Variants in STS observed in about 807,000 individuals in gnomAD.
STS encodes steryl-sulfatase.
In STS, 7 loss-of-function variants were observed where a neutral mutation model predicts 26.8. The observed-to-expected ratio is 0.26, with a 90% CI of 0.15 to 0.49. STS has a LOEUF of 0.49. Among genes scored for constraint, STS ranks in the 20% least tolerant of loss-of-function variants. The pLI, the probability that STS is intolerant of heterozygous loss-of-function variation, is 0.98. For synonymous variants in STS, 199 were observed against 189.4 expected (o/e 1.05, Z -0.42); for missense variants, 434 against 465.6 (o/e 0.93, Z 0.63).
At chrX:7,284,939 G>A (rs1925053009) in intron 7 of STS, among the ~76,000 whole-genome samples, 2 of 111,082 alleles carry the variant, frequency 1.8e-5, no homozygotes, top group Admixed American at 9.6e-5. Context: ...TGGTGATGGT[G>A]GTGATGCTGA....
chrX:7,300,045 A>G (rs1925890610), intron 7 of STS, among the ~76,000 whole-genome samples: 1 of 111,781 alleles, frequency 8.9e-6, no homozygotes, highest in Admixed American at 9.6e-5. Flanking sequence ...ATGGAATGAC[A>G]GAACTTTCTA....
intron 1 of STS, among the ~76,000 whole-genome samples, chrX:7,189,814 A>C (rs996871343): frequency 1.2e-4 from 13 of 111,503 alleles, no homozygotes; most frequent in Non-Finnish European, 2.4e-4. Flanking sequence ...AATAATTGCT[A>C]TCTGGGGGAA....
intron 2 of STS, among the ~76,000 whole-genome samples, chrX:7,230,290 C>A (rs1430833491): frequency 1.8e-5 from 2 of 111,635 alleles, no homozygotes; most frequent in African/African-American, 6.5e-5. Context: ...AGAAAACATT[C>A]TGGTAGTTCC....
chrX:7,215,108 C>T lies in STS; in HGVS notation c.-5+24100C>T, dbSNP rs183576609. ...ATACGTATATATGTGTATATATATA[C>T]ACATATATACACACACACACACACA... On this transcript the variant is annotated intron_variant, in intron 2 of 10. Transcript: ENST00000674429. Among the ~76,000 whole-genome samples the T allele has an allele frequency of 3.9e-3, 292 of 74,611 alleles. 1 individual carries two copies. Among genetic ancestry groups the T allele is most frequent in the South Asian group, 6.4e-3 (11 of 1,714 alleles). 64.8% of individuals were successfully genotyped at this position (74,611 alleles called of 115,157 possible). A position where few individuals can be genotyped will look rare whatever the true frequency, so the allele number is the denominator to read the frequency against.
chrX:7,323,794 G>C (rs1429230703), intron 8 of STS, among the ~76,000 whole-genome samples: 11 of 111,529 alleles, frequency 9.9e-5, no homozygotes, highest in African/African-American at 3.6e-4. Flanking sequence ...AAAGCTCTAG[G>C]GGAGAATCTT....
In STS at chrX:7,259,624, C is replaced by G; in HGVS notation, c.658C>G (p.Leu220Val). ...TTTCAGCCTTCTCTTCCTAGCAGCC[C>G]TAATCCTGACCCTTTTCTTGGGCTT... ...VFFSLLFLAA[L>V]ILTLFLGFLH... is the part of the protein sequence containing the mutation. Residue 220 changes from leucine to valine, a missense_variant, in exon 6 of 11, where the codon CTA becomes GTA. By Grantham distance (32) the Leu-to-Val change is conservative. Coordinates refer to ENST00000674429, the MANE Select transcript of STS (RefSeq NM_001320752.2). 8.3e-7 allele frequency: 1 copy of G among 1,211,271 alleles called. No homozygotes were observed. Among genetic ancestry groups the G allele is most frequent in the Non-Finnish European group, 1.1e-6 (1 of 895,368 alleles).
chrX:7,280,995 G>A (rs1331482425), intron 7 of STS, among the ~76,000 whole-genome samples: 1 of 111,764 alleles, frequency 8.9e-6, no homozygotes, highest in Non-Finnish European at 1.9e-5. Flanking sequence ...GCAAAACCGC[G>A]TCTCTAATCA....
chrX:7,217,440 A>G (rs1213119445), intron 2 of STS, among the ~76,000 whole-genome samples: 2 of 111,846 alleles, frequency 1.8e-5, no homozygotes, highest in African/African-American at 6.5e-5. Flanking sequence ...ACAAGGCTTT[A>G]GCTTTTAGAG....
chrX:7,179,425 A>C (rs1933640267), intron 1 of STS, among the ~76,000 whole-genome samples: 1 of 110,742 alleles, frequency 9.0e-6, no homozygotes, highest in South Asian at 3.9e-4. Context: ...GGCTTTCTCT[A>C]GTCCTCATAA....
intron 2 of STS, among the ~76,000 whole-genome samples, chrX:7,216,010 G>C (rs1409280574): frequency 8.9e-6 from 1 of 112,051 alleles, no homozygotes; most frequent in East Asian, 2.8e-4. Context: ...CCACAGGGCT[G>C]TCCACAGCAG....
intron 10 of STS, among the ~76,000 whole-genome samples, chrX:7,339,004 T>G: frequency 8.9e-6 from 1 of 112,378 alleles, no homozygotes; most frequent in East Asian, 2.8e-4. Flanking sequence ...AGTAAATGGT[T>G]TAAAATCAAA....
At chrX:7,230,809 G>T (rs1204422165) in intron 2 of STS, among the ~76,000 whole-genome samples, 2 of 111,728 alleles carry the variant, frequency 1.8e-5, no homozygotes, top group African/African-American at 6.5e-5. Flanking sequence ...AACACCTGGG[G>T]ATTATAATTC....
intron 7 of STS, among the ~76,000 whole-genome samples, chrX:7,278,823 T>C (rs1430504039): frequency 8.9e-6 from 1 of 111,831 alleles, no homozygotes; most frequent in African/African-American, 3.3e-5. Flanking sequence ...AGCACATGTA[T>C]TTGTGGGAGC....
intron 2 of STS, among the ~76,000 whole-genome samples, chrX:7,225,317 C>T (rs1314735824): frequency 1.8e-5 from 2 of 111,660 alleles, no homozygotes; most frequent in Non-Finnish European, 3.8e-5. Flanking sequence ...GAAGGACTAA[C>T]AGGCTCAGTG....
At chrX:7,205,301 T>C (rs1299637397) in intron 2 of STS, among the ~76,000 whole-genome samples, 1 of 112,131 alleles carries the variant, frequency 8.9e-6, no homozygotes, top group Non-Finnish European at 1.9e-5. Flanking sequence ...TTGCAATTAT[T>C]ATTCATCACG....
At chrX:7,339,787 T>C (rs1197176246) in intron 10 of STS, among the ~76,000 whole-genome samples, 1 of 111,803 alleles carries the variant, frequency 8.9e-6, no homozygotes, top group African/African-American at 3.2e-5. Context: ...TGGAAAAAAA[T>C]CACCACATAA....
chrX:7,171,472 G>A (rs1457293249), intron 1 of STS, among the ~76,000 whole-genome samples: 1 of 111,551 alleles, frequency 9.0e-6, no homozygotes, highest in Non-Finnish European at 1.9e-5. Context: ...ATCAGCTTCT[G>A]CATATTCAAA....
rs1421906384 is a variant in STS, at chrX:7,210,534, AAAT to A, written c.-5+19532_-5+19534del. On this transcript the variant is annotated intron_variant, in intron 2 of 10. Transcript: ENST00000674429. Reference sequence around the variant, plus strand: ...TATAAAAAATAGATGTATGTATAATAAATAATAAACACTTAATACATATTAAAT... The same window carrying A: ...TATAAAAAATAGATGTATGTATAATAAATAAACACTTAATACATATTAAAT... 1.2e-4 allele frequency among the ~76,000 whole-genome samples: 13 copies of A among 107,546 alleles called. No individual in the cohort carries two copies. In the East Asian group the frequency reaches 2.2e-3, roughly 19 times the overall value. The allele number at this position is 107,546 out of a possible 115,157, so 93.4% of individuals were successfully genotyped here.
At chrX:7,299,004 A>T (rs1397553445) in intron 7 of STS, among the ~76,000 whole-genome samples, 12 of 78,246 alleles carry the variant, frequency 1.5e-4, no homozygotes, top group Non-Finnish European at 2.6e-4. Flanking sequence ...AAATAATTAT[A>T]TATTTATATA....
Sources: allele counts gnomAD v4.1 joint callset (sites outside exome capture counted in the v4.1 genomes callset), GRCh38; gene constraint gnomAD v4.1.1; transcripts MANE v1.5; gene names NCBI Gene and HGNC (gene_info 2026-07-23, HGNC 2026-07-21).